The following ANK3 variants were observed in gnomAD, a reference collection of about 807,000 sequenced individuals.
ANK3 encodes ankyrin-3.
In ANK3, 57 loss-of-function variants were observed where a neutral mutation model predicts 370.9. That is an observed-to-expected ratio of 0.15 (90% CI 0.12 to 0.19). The LOEUF is 0.19. Among genes scored for constraint, ANK3 ranks in the 10% least tolerant of loss-of-function variants. ANK3 has a pLI of 1.00. For missense variants in ANK3, 4,439 were observed against 5,302.1 expected, an observed-to-expected ratio of 0.84 and a Z score of 5.06; for synonymous variants, 1,929 against 1,946.3, an observed-to-expected ratio of 0.99 and a Z score of 0.23.
At chr10:60,431,016 C>T (rs1225173506) in intron 2 of ANK3, among the ~76,000 whole-genome samples, 1 of 152,168 alleles carries the variant, frequency 6.6e-6, no homozygotes, top group East Asian at 1.9e-4. Context: ...TTGTGGAAGA[C>T]AATTTTTCCA....
At chr10:60,431,477 G>C (rs769729235) in intron 2 of ANK3, among the ~76,000 whole-genome samples, 5 of 152,074 alleles carry the variant, frequency 3.3e-5, no homozygotes, top group Non-Finnish European at 5.9e-5. Flanking sequence ...TGTGCAGCCC[G>C]GTTCCTAACA....
chr10:60,340,728 C>T (rs566087911), intron 1 of ANK3, among the ~76,000 whole-genome samples: 200 of 152,160 alleles, frequency 1.3e-3, no homozygotes, highest in Non-Finnish European at 2.1e-3. Flanking sequence ...ACTATTATTA[C>T]CTTTTCTTAC....
intron 1 of ANK3, among the ~76,000 whole-genome samples, chr10:60,699,176 T>C (rs1589046919): frequency 6.6e-6 from 1 of 151,942 alleles, no homozygotes; most frequent in South Asian, 2.1e-4. Context: ...AAGGGTGCAG[T>C]GTGTACTGCT....
chr10:60,201,708 C>CTTT (rs10544317), intron 12 of ANK3, among the ~76,000 whole-genome samples: 10 of 120,278 alleles, frequency 8.3e-5, no homozygotes, highest in Non-Finnish European at 1.1e-4. Flanking sequence ...GAAATCACTT[C>CTTT]TTTTTTTTTT....
intron 13 of ANK3, among the ~76,000 whole-genome samples, chr10:60,199,838 A>T (rs2096645822): frequency 6.6e-6 from 1 of 152,190 alleles, no homozygotes; most frequent in East Asian, 1.9e-4. Context: ...AGTGTGAAGA[A>T]CTTTGGACCA....
intron 1 of ANK3, among the ~76,000 whole-genome samples, chr10:60,720,713 A>G (rs1414760380): frequency 6.6e-6 from 1 of 152,178 alleles, no homozygotes; most frequent in Non-Finnish European, 1.5e-5. Flanking sequence ...CTTGGGCTCA[A>G]GCGGTCCTCC....
intron 2 of ANK3, among the ~76,000 whole-genome samples, chr10:60,429,515 T>C (rs548711473): frequency 2.6e-5 from 4 of 152,194 alleles, no homozygotes; most frequent in African/African-American, 9.6e-5. Flanking sequence ...GTAGGAAAAA[T>C]AAGAAGTGAG....
At chr10:60,729,912 A>G (rs1190505485) in intron 1 of ANK3, among the ~76,000 whole-genome samples, 4 of 152,100 alleles carry the variant, frequency 2.6e-5, no homozygotes, top group African/African-American at 9.7e-5. Flanking sequence ...GGTACCACTG[A>G]TCTCACTCTC....
intron 23 of ANK3, among the ~76,000 whole-genome samples, chr10:60,150,356 C>A (rs1027135155): frequency 1.3e-5 from 2 of 152,162 alleles, no homozygotes; most frequent in African/African-American, 2.4e-5. Flanking sequence ...TCCTTCTACC[C>A]GTGCAAAATT....
At chr10:60,543,971 A>T (rs2076907564) in intron 2 of ANK3, among the ~76,000 whole-genome samples, 1 of 152,058 alleles carries the variant, frequency 6.6e-6, no homozygotes, top group South Asian at 2.1e-4. Context: ...TTCATTTACC[A>T]TCCTTTCAAT....
chr10:60,450,193 C>T (rs2064560758), intron 2 of ANK3, among the ~76,000 whole-genome samples: 1 of 152,080 alleles, frequency 6.6e-6, no homozygotes, highest in African/African-American at 2.4e-5. Flanking sequence ...ACTTGAGAGG[C>T]TGAGGCAGGA....
chr10:60,106,973 C>T (rs1238073284), intron 27 of ANK3, among the ~76,000 whole-genome samples: 1 of 151,964 alleles, frequency 6.6e-6, no homozygotes, highest in African/African-American at 2.4e-5. Flanking sequence ...CATTTCTTAA[C>T]CTATGTGTTT....
At chr10:60,367,464 G>A (rs947327260) in intron 1 of ANK3, among the ~76,000 whole-genome samples, 1 of 152,200 alleles carries the variant, frequency 6.6e-6, no homozygotes, top group Non-Finnish European at 1.5e-5. Context: ...AGAAAGAAAT[G>A]AATTCTTCCT....
At chr10:60,368,503 C>T (rs138714720) in intron 1 of ANK3, among the ~76,000 whole-genome samples, 68 of 152,210 alleles carry the variant, frequency 4.5e-4, no homozygotes, top group Non-Finnish European at 1.8e-4. Flanking sequence ...ACTAACTTTA[C>T]ATGTATTGAT....
chr10:60,268,412 C>T (rs1163445778), intron 5 of ANK3, among the ~76,000 whole-genome samples: 2 of 152,142 alleles, frequency 1.3e-5, no homozygotes, highest in Non-Finnish European at 1.5e-5. Flanking sequence ...GTACATAGAG[C>T]CTTGCCTCGT....
rs2079245096 is a variant in ANK3 at position 60,684,687 on chromosome 10, A to G, written c.57+48576T>C. 3.1e-6 allele frequency: 5 copies of G among 1,587,588 alleles called. No individual in the cohort carries two copies. The African/African-American group carries it at 4.0e-5, about 13-fold the overall frequency. ...CATTTAACACTGAGAAAATTAAGGTAAACTTGAGAAATTCTAAAACAGTCA... is the reference window on the plus strand; with the variant it reads ...CATTTAACACTGAGAAAATTAAGGTGAACTTGAGAAATTCTAAAACAGTCA... On this transcript the variant is annotated intron_variant, in intron 1 of 43. Coordinates refer to the ANK3 transcript ENST00000373827.
In ANK3 at chr10:60,027,529, T is replaced by TAAC. The variant is rs1019629828; in HGVS notation, c.*2314_*2316dup. 6.6e-6 allele frequency: 1 copy of TAAC among 152,176 alleles called. No homozygotes were observed. The highest frequency in any genetic ancestry group is 2.4e-5 in the African/African-American group (1 of 41,444). 9.4% of individuals were successfully genotyped at this position (152,176 alleles called of 1,614,324 possible). A position where few individuals can be genotyped will look rare whatever the true frequency, so the allele number is the denominator to read the frequency against. ...CAATCTTTAATGGACAGGCAATATA[T>TAAC]AACATTGCTGAAAGTCTCTTAGCAC... On this transcript the variant is annotated 3_prime_UTR_variant, in exon 44 of 44. Coordinates refer to ENST00000280772, the MANE Select transcript of ANK3 (RefSeq NM_020987.5).
intron 13 of ANK3, among the ~76,000 whole-genome samples, chr10:60,199,174 A>G (rs575849050): frequency 6.6e-5 from 10 of 152,286 alleles, no homozygotes; most frequent in Middle Eastern, 3.4e-3. Context: ...CTAGGGTCTT[A>G]TCCCCAAGTG....
At chr10:60,136,140 C>A (rs1590634278) in intron 24 of ANK3, among the ~76,000 whole-genome samples, 1 of 151,882 alleles carries the variant, frequency 6.6e-6, no homozygotes, top group East Asian at 1.9e-4. Context: ...ATTCCTGTTT[C>A]TATTCTCTTA....
Sources: gnomAD v4.1 joint callset for allele counts (sites outside exome capture counted in the v4.1 genomes callset) on GRCh38, gnomAD v4.1.1 for gene constraint, MANE v1.5 for transcripts, NCBI Gene and HGNC (gene_info 2026-07-23, HGNC 2026-07-21) for gene names.